Variants in CRPPA observed in about 807,000 individuals in gnomAD.
The protein encoded by CRPPA is D-ribitol-5-phosphate cytidylyltransferase.
Under a neutral mutation model 52.0 loss-of-function variants are expected in CRPPA, and 43 were observed. That is an observed-to-expected ratio of 0.83 (90% CI 0.65 to 1.07). The LOEUF (loss-of-function observed/expected upper bound fraction) is 1.07. Ranked by LOEUF, CRPPA falls within the 50% of genes least tolerant of loss-of-function variation. The pLI is 0.00. For missense variants in CRPPA, 629 were observed against 551.7 expected, an observed-to-expected ratio of 1.14 and a Z score of -1.40; for synonymous variants, 250 against 203.5, an observed-to-expected ratio of 1.23 and a Z score of -1.94.
At chr7:16,412,584 T>C (rs1788098044) in intron 1 of CRPPA, among the ~76,000 whole-genome samples, 1 of 152,248 alleles carries the variant, frequency 6.6e-6, no homozygotes, top group South Asian at 2.1e-4. Flanking sequence ...TTTATTCACA[T>C]TCTTTTCTAG....
At chr7:16,373,046 A>C (rs1326257964) in intron 3 of CRPPA, among the ~76,000 whole-genome samples, 8 of 152,174 alleles carry the variant, frequency 5.3e-5, no homozygotes, top group Admixed American at 5.2e-4. Context: ...TGTAATCCCA[A>C]CACTTTGGGA....
intron 9 of CRPPA, among the ~76,000 whole-genome samples, chr7:16,165,284 T>C (rs772778086): frequency 1.3e-5 from 2 of 152,032 alleles, no homozygotes; most frequent in Non-Finnish European, 2.9e-5. Flanking sequence ...TATTTATGAT[T>C]ACATATGATA....
chr7:16,090,246 T>A lies in CRPPA; in HGVS notation c.*1449A>T, dbSNP rs921048975. 6.6e-6 allele frequency: 1 copy of A among 151,906 alleles called. No homozygotes were observed. Among genetic ancestry groups the A allele is most frequent in the African/African-American group, 2.4e-5 (1 of 41,352 alleles). The allele number at this position is 151,906 out of a possible 1,614,324, so 9.4% of individuals were successfully genotyped here. ...AATTAGGAGAATGTAAAATATAAAC[T>A]CTCCTACTATATATATACTTGAACA... is the stretch of plus-strand genomic sequence containing the variant. On this transcript the variant is annotated 3_prime_UTR_variant, in exon 10 of 10. Transcript: ENST00000407010.
chr7:16,157,550 A>G (rs1465462808), intron 9 of CRPPA, among the ~76,000 whole-genome samples: 7 of 152,156 alleles, frequency 4.6e-5, no homozygotes, highest in Admixed American at 4.6e-4. Context: ...TTAATAAATC[A>G]GCTAGTATTT....
intron 5 of CRPPA, among the ~76,000 whole-genome samples, chr7:16,294,630 A>T (rs1459929059): frequency 6.6e-6 from 1 of 152,004 alleles, no homozygotes; most frequent in Non-Finnish European, 1.5e-5. Context: ...AAAAAATATT[A>T]TGTATAAAGA....
In CRPPA at chr7:16,091,632, G is replaced by T; in HGVS notation, c.*63C>A. 1.2e-6 allele frequency: 1 copy of T among 832,376 alleles called. No homozygotes were observed. The allele number at this position is 832,376 out of a possible 1,614,324, so 51.6% of individuals were successfully genotyped here. ...CATTCTACCACACACAGCAGCGGGG[G>T]CACAAAGCACAATTAAGATACGCAA... On this transcript the variant is annotated 3_prime_UTR_variant, in exon 10 of 10. Coordinates refer to ENST00000407010, the MANE Select transcript of CRPPA (RefSeq NM_001101426.4).
At position 16,159,180 on chromosome 7, in the gene CRPPA, G is replaced by A. The variant is rs530189424; in HGVS notation, c.1251+56886C>T. 3.9e-5 allele frequency among the ~76,000 whole-genome samples: 6 copies of A among 152,240 alleles called. No individual in the cohort carries two copies. The South Asian group carries it at 1.2e-3, about 32-fold the overall frequency. On this transcript the variant is annotated intron_variant, in intron 9 of 9. Transcript: ENST00000407010. ...ACCTGTAATCCCAGCACTTTGGGAGGCTGAGGTGGGCAGATCACCTAAGGT... is the reference window on the plus strand; with the variant it reads ...ACCTGTAATCCCAGCACTTTGGGAGACTGAGGTGGGCAGATCACCTAAGGT...
intron 3 of CRPPA, among the ~76,000 whole-genome samples, chr7:16,335,944 G>C (rs76899155): frequency 0.012 from 1,849 of 152,290 alleles, 50 homozygotes; most frequent in African/African-American, 0.042. Flanking sequence ...CCTCAGGCCA[G>C]GATAGAGTAG....
chr7:16,387,066 T>C (rs369268729), intron 2 of CRPPA, among the ~76,000 whole-genome samples: 5 of 109,068 alleles, frequency 4.6e-5, no homozygotes, highest in Admixed American at 8.9e-5. Context: ...TATATATATA[T>C]ATATATATAT....
chr7:16,375,260 T>C (rs1786852449), intron 3 of CRPPA, among the ~76,000 whole-genome samples: 1 of 152,164 alleles, frequency 6.6e-6, no homozygotes, highest in Non-Finnish European at 1.5e-5. Context: ...CCTTACCTAA[T>C]TCTTCCTCAC....
chr7:16,346,053 G>T (rs556529573), intron 3 of CRPPA, among the ~76,000 whole-genome samples: 1 of 152,122 alleles, frequency 6.6e-6, no homozygotes, highest in African/African-American at 2.4e-5. Context: ...CACTGGAAAA[G>T]ATAATTTTAT....
rs1562608288 is a variant in CRPPA at position 16,286,036 on chromosome 7, AAAATATAAATAT to A, written c.836-7822_836-7811del. ...ACTCCATCTCAAAAAAAAAAAAAAA[AAAATATAAATAT>A]ATATATATATATATATATATATATA... On this transcript the variant is annotated intron_variant, in intron 5 of 9. Coordinates refer to ENST00000407010, the MANE Select transcript of CRPPA (RefSeq NM_001101426.4). Among the ~76,000 whole-genome samples, 173 of 18,786 alleles carry A rather than the reference AAAATATAAATAT, an allele frequency of 9.2e-3. 5 individuals carry two copies. The highest frequency in any genetic ancestry group is 0.034 in the African/African-American group (86 of 2,564). 12.3% of individuals were successfully genotyped at this position (18,786 alleles called of 152,430 possible).
At chr7:16,245,790 A>T (rs1156978787) in intron 8 of CRPPA, among the ~76,000 whole-genome samples, 1 of 152,232 alleles carries the variant, frequency 6.6e-6, no homozygotes, top group East Asian at 1.9e-4. Context: ...TATAAAAGTC[A>T]TATTTACATT....
At chr7:16,148,827 C>T (rs767658747) in intron 9 of CRPPA, among the ~76,000 whole-genome samples, 4 of 151,852 alleles carry the variant, frequency 2.6e-5, no homozygotes, top group Non-Finnish European at 4.4e-5. Flanking sequence ...TAAATGTTCC[C>T]AACACAAAGA....
intron 2 of CRPPA, 44 bp from the exon 3 acceptor site, chr7:16,376,285 T>A: frequency 6.5e-7 from 1 of 1,543,172 alleles, no homozygotes; most frequent in East Asian, 2.3e-5. Flanking sequence ...CTACAAGCCA[T>A]TTTAAAGTGA....
At position 16,203,793 on chromosome 7, in the gene CRPPA, C is replaced by G. The variant is rs143123527; in HGVS notation, c.1251+12273G>C. Among the ~76,000 whole-genome samples the G allele has an allele frequency of 1.7e-3, 252 of 152,242 alleles. 1 individual carries two copies. The highest frequency in any genetic ancestry group is 2.5e-3 in the Non-Finnish European group (171 of 68,010). On this transcript the variant is annotated intron_variant, in intron 9 of 9. Transcript: ENST00000407010. ...AAACCAATTAGCTCATCAATTAATT[C>G]AATTGGCTTAAAAACCACTCTGCCT...
At chr7:16,254,302 G>A (rs140445980) in intron 8 of CRPPA, among the ~76,000 whole-genome samples, 1,746 of 152,046 alleles carry the variant, frequency 0.011, 29 homozygotes, top group African/African-American at 0.039. Flanking sequence ...TGTTTATTGC[G>A]GCACTATTCA....
At chr7:16,306,545 T>A (rs1784916146) in intron 4 of CRPPA, among the ~76,000 whole-genome samples, 1 of 152,160 alleles carries the variant, frequency 6.6e-6, no homozygotes, top group Non-Finnish European at 1.5e-5. Context: ...TTTACAAACT[T>A]GATGAGGGCT....
rs188787628 is a variant in CRPPA, at chr7:16,144,897, G to A, written c.1252-53098C>T. On this transcript the variant is annotated intron_variant, in intron 9 of 9. Coordinates refer to ENST00000407010, the MANE Select transcript of CRPPA (RefSeq NM_001101426.4). ...AGTGTACTTCTTTCATCTGTTGCTC[G>A]GCCAGACTCTGTGGGACAGACTCGG... is the stretch of plus-strand genomic sequence containing the variant. Among the ~76,000 whole-genome samples the A allele has an allele frequency of 5.0e-3, 757 of 152,166 alleles. 3 individuals are homozygous for A. Among genetic ancestry groups the A allele is most frequent in the Middle Eastern group, 0.037 (11 of 294 alleles).
Sources: gnomAD v4.1 joint callset for allele counts (sites outside exome capture counted in the v4.1 genomes callset) on GRCh38, gnomAD v4.1.1 for gene constraint, MANE v1.5 for transcripts, NCBI Gene and HGNC (gene_info 2026-07-23, HGNC 2026-07-21) for gene names.